MEI4: variants seen among roughly 807,000 people sequenced by gnomAD.
MEI4 encodes meiotic double-stranded break formation protein 4, also known as meiosis-specific protein MEI4.
In MEI4, 27 loss-of-function variants were observed where a neutral mutation model predicts 31.4. The ratio of observed to expected loss-of-function variants is 0.86; its 90% CI spans 0.63 to 1.19. The LOEUF is 1.19. Among genes scored for constraint, MEI4 ranks in the 50% most tolerant of loss-of-function variants. The pLI, the probability that MEI4 is intolerant of heterozygous loss-of-function variation, is 0.00. For missense variants in MEI4, 329 were observed against 398.9 expected, an observed-to-expected ratio of 0.82 and a Z score of 1.49; for synonymous variants, 122 against 145.4, an observed-to-expected ratio of 0.84 and a Z score of 1.16.
chr6:77,741,928 G>A (rs1174100835), intron 2 of MEI4, among the ~76,000 whole-genome samples: 2 of 151,688 alleles, frequency 1.3e-5, no homozygotes, highest in Non-Finnish European at 1.5e-5. Context: ...TTTCATCCAT[G>A]TCCCTACAAA....
intron 3 of MEI4, among the ~76,000 whole-genome samples, chr6:77,783,290 C>G (rs1040279296): frequency 6.6e-6 from 1 of 152,066 alleles, no homozygotes; most frequent in African/African-American, 2.4e-5. Flanking sequence ...AGGCATATAC[C>G]TCAGGATATG....
chr6:77,912,466 T>C (rs1224804173), intron 4 of MEI4, among the ~76,000 whole-genome samples: 3 of 152,122 alleles, frequency 2.0e-5, no homozygotes, highest in African/African-American at 7.2e-5. Context: ...TGCCTGTCCA[T>C]TTATTTGTGT....
At chr6:77,779,730 T>C (rs1016098338) in intron 3 of MEI4, among the ~76,000 whole-genome samples, 2 of 152,116 alleles carry the variant, frequency 1.3e-5, no homozygotes, top group Admixed American at 6.5e-5. Context: ...AAATACAAAA[T>C]TCCCCCTTAC....
Position 77,926,111 on chromosome 6 carries a change from A to C in MEI4, c.*2765A>C, listed in dbSNP as rs1407083891. On this transcript the variant is annotated 3_prime_UTR_variant, in exon 5 of 5. Coordinates refer to ENST00000684080, the MANE Select transcript of MEI4 (RefSeq NM_001322247.2). Reference sequence around the variant, plus strand: ...CTTTACTGCACTGCCTGTTATGTGCAGCTCTCCTGGCACTTCAGTAAACTT... The same window carrying C: ...CTTTACTGCACTGCCTGTTATGTGCCGCTCTCCTGGCACTTCAGTAAACTT... The C allele has an allele frequency of 6.6e-6, 1 of 151,934 alleles. No homozygotes were observed. The highest frequency in any genetic ancestry group is 1.5e-5 in the Non-Finnish European group (1 of 67,954). The allele number at this position is 151,934 out of a possible 1,614,324, so 9.4% of individuals were successfully genotyped here.
chr6:77,700,207 G>A (rs1428624459), intron 2 of MEI4, among the ~76,000 whole-genome samples: 1 of 152,214 alleles, frequency 6.6e-6, no homozygotes, highest in Non-Finnish European at 1.5e-5. Context: ...AGCCTACCGG[G>A]GCAGGCAGGC....
chr6:77,676,797 T>C (rs1270926305), intron 1 of MEI4, among the ~76,000 whole-genome samples: 2 of 152,182 alleles, frequency 1.3e-5, no homozygotes, highest in East Asian at 3.8e-4. Context: ...AATTTTTCTT[T>C]TCTCTTTCCA....
In MEI4 at chr6:77,785,716, A is replaced by G. The variant is rs58996902; in HGVS notation, c.768+24051A>G. On this transcript the variant is annotated intron_variant, in intron 3 of 4. Coordinates refer to ENST00000684080, the MANE Select transcript of MEI4 (RefSeq NM_001322247.2). Reference sequence around the variant, plus strand: ...TAATTCGGAAAGAGTGGAGATGAGTAGAGATTTCAGTTTGCTTTTCTTCGT... The same window carrying G: ...TAATTCGGAAAGAGTGGAGATGAGTGGAGATTTCAGTTTGCTTTTCTTCGT... 1.7e-3 allele frequency among the ~76,000 whole-genome samples: 263 copies of G among 152,188 alleles called. 2 individuals are homozygous for G. Among genetic ancestry groups the G allele is most frequent in the African/African-American group, 6.2e-3 (259 of 41,544 alleles).
chr6:77,774,210 C>G (rs1561983271), intron 3 of MEI4, among the ~76,000 whole-genome samples: 1 of 152,044 alleles, frequency 6.6e-6, no homozygotes, highest in Non-Finnish European at 1.5e-5. Flanking sequence ...TATCTGCACT[C>G]TCATGTATAC....
chr6:77,922,768 G>A (rs1581986161), intron 4 of MEI4, among the ~76,000 whole-genome samples: 1 of 151,502 alleles, frequency 6.6e-6, no homozygotes, highest in East Asian at 1.9e-4. Flanking sequence ...ATTTAACACT[G>A]GTATGACTCC....
chr6:77,817,830 A>G (rs2127707168), intron 3 of MEI4, among the ~76,000 whole-genome samples: 1 of 152,254 alleles, frequency 6.6e-6, no homozygotes, highest in Middle Eastern at 3.4e-3. Flanking sequence ...GTTAGGCAAC[A>G]TGAGGCGAGA....
chr6:77,697,120 T>C (rs918304045), intron 2 of MEI4, among the ~76,000 whole-genome samples: 13 of 152,216 alleles, frequency 8.5e-5, no homozygotes, highest in African/African-American at 2.7e-4. Context: ...TTATTCCCGT[T>C]ATCATTTTTT....
At chr6:77,777,157 A>G (rs138772579) in intron 3 of MEI4, among the ~76,000 whole-genome samples, 144 of 152,316 alleles carry the variant, frequency 9.5e-4, no homozygotes, top group African/African-American at 3.2e-3. Context: ...AAAGGCACAA[A>G]CATATGGAGA....
intron 3 of MEI4, among the ~76,000 whole-genome samples, chr6:77,821,832 C>T (rs1467510105): frequency 4.8e-5 from 7 of 144,394 alleles, no homozygotes; most frequent in Non-Finnish European, 1.1e-4. Context: ...AATCGTGCTG[C>T]TTACTGGTAT....
At chr6:77,768,165 T>C (rs866052379) in intron 3 of MEI4, among the ~76,000 whole-genome samples, 1 of 152,196 alleles carries the variant, frequency 6.6e-6, no homozygotes, top group South Asian at 2.1e-4. Context: ...CTAGGTCTCA[T>C]GTTCAGGTAT....
At chr6:77,651,762 C>T (rs1375416565), upstream of MEI4, among the ~76,000 whole-genome samples, 5 of 152,104 alleles carry the variant, frequency 3.3e-5, no homozygotes, top group African/African-American at 1.2e-4. Context: ...ACTTTCAGGA[C>T]ATGGTAATGG....
At chr6:77,686,840 T>G (rs1769063334) in intron 1 of MEI4, among the ~76,000 whole-genome samples, 1 of 149,562 alleles carries the variant, frequency 6.7e-6, no homozygotes, top group Non-Finnish European at 1.5e-5. Flanking sequence ...TAATTCAAAA[T>G]TCCCACCAGT....
At chr6:77,757,234 G>A (rs932984191) in intron 2 of MEI4, among the ~76,000 whole-genome samples, 1 of 152,148 alleles carries the variant, frequency 6.6e-6, no homozygotes, top group Non-Finnish European at 1.5e-5. Flanking sequence ...TGAATATAAG[G>A]TTCTTTTATT....
intron 4 of MEI4, among the ~76,000 whole-genome samples, chr6:77,846,074 A>G (rs183869243): frequency 3.4e-4 from 51 of 151,882 alleles, no homozygotes; most frequent in Non-Finnish European, 5.9e-4. Flanking sequence ...TCAATTTTCT[A>G]TAATAATTCT....
intron 2 of MEI4, among the ~76,000 whole-genome samples, chr6:77,704,832 A>C (rs191551971): frequency 6.6e-6 from 1 of 152,186 alleles, no homozygotes; most frequent in African/African-American, 2.4e-5. Context: ...AATTCAAAAC[A>C]TCCAAGTGCA....
Sources: gnomAD v4.1 joint callset for allele counts (sites outside exome capture counted in the v4.1 genomes callset) on GRCh38, gnomAD v4.1.1 for gene constraint, MANE v1.5 for transcripts, NCBI Gene and HGNC (gene_info 2026-07-23, HGNC 2026-07-21) for gene names.